The following MTHFD2L variants were observed in gnomAD, a reference collection of about 807,000 sequenced individuals.
MTHFD2L encodes the protein bifunctional methylenetetrahydrofolate dehydrogenase/cyclohydrolase 2, mitochondrial.
MTHFD2L carries 29 observed loss-of-function variants against 34.9 expected under a neutral mutation model. The observed-to-expected ratio is 0.83, with a 90% confidence interval of 0.62 to 1.13. The LOEUF is 1.13. MTHFD2L is among the 50% of genes most tolerant of loss of function. MTHFD2L has a pLI of 0.00. For synonymous variants in MTHFD2L, 167 were observed against 155.7 expected (o/e 1.07, Z -0.54); for missense variants, 481 against 446.5 (o/e 1.08, Z -0.70).
At chr4:74,157,307 C>T (rs1236555453), upstream of MTHFD2L, 15 of 249,884 alleles carry the variant, frequency 6.0e-5, no homozygotes, top group South Asian at 6.6e-4. Flanking sequence ...GACTCAACAG[C>T]AGCAGCCTGA....
At chr4:74,145,235 A>G (rs1373073355) in intron 1 of MTHFD2L, among the ~76,000 whole-genome samples, 1 of 152,166 alleles carries the variant, frequency 6.6e-6, no homozygotes, top group Non-Finnish European at 1.5e-5. Flanking sequence ...TAGGGGTTGA[A>G]AATATTTTAA....
At chr4:74,159,178 A>C (rs1724866406) in intron 1 of MTHFD2L, among the ~76,000 whole-genome samples, 1 of 152,196 alleles carries the variant, frequency 6.6e-6, no homozygotes, top group Non-Finnish European at 1.5e-5. Flanking sequence ...TATTGTGTAC[A>C]TTTAGATCTT....
intron 6 of MTHFD2L, among the ~76,000 whole-genome samples, chr4:74,262,220 C>T (rs1219004797): frequency 6.6e-6 from 1 of 151,806 alleles, no homozygotes; most frequent in Non-Finnish European, 1.5e-5. Context: ...CTACTCACCC[C>T]ATACATACAA....
chr4:74,126,420 G>C (rs1458944019), intron 1 of MTHFD2L, among the ~76,000 whole-genome samples: 5 of 152,096 alleles, frequency 3.3e-5, no homozygotes, highest in Non-Finnish European at 5.9e-5. Context: ...CATAGTAGTG[G>C]TGGGTGATGT....
At chr4:74,190,339 G>C (rs1447263815) in intron 3 of MTHFD2L, 1 of 247,870 alleles carries the variant, frequency 4.0e-6, no homozygotes, top group African/African-American at 2.3e-5. Flanking sequence ...TAATTATATA[G>C]GGTAAAGGTT....
Position 74,301,760 on chromosome 4 carries a change from C to CA in MTHFD2L, c.997dup (p.Met333AsnfsTer11). The stretch of plus-strand genomic sequence containing the variant: ...GGAGGTGTGGGACCCATGACAGTGG[C>CA]AATGCTTCTGAAGAACACCCTTCTG... On this transcript the variant is annotated frameshift_variant, in exon 8 of 8. Coordinates refer to ENST00000325278, the MANE Select transcript of MTHFD2L (RefSeq NM_001144978.3). LOFTEE classifies it high-confidence loss of function. The CA allele has an allele frequency of 6.2e-7, 1 of 1,608,216 alleles. No homozygotes were observed. Among genetic ancestry groups the CA allele is most frequent in the Non-Finnish European group, 8.5e-7 (1 of 1,176,884 alleles).
intron 1 of MTHFD2L, among the ~76,000 whole-genome samples, chr4:74,143,717 G>A (rs971869708): frequency 6.6e-6 from 1 of 151,820 alleles, no homozygotes; most frequent in African/African-American, 2.4e-5. Flanking sequence ...GAAATTTTTT[G>A]GGTTGTGGAA....
At chr4:74,206,934 G>A (rs574117973) in intron 5 of MTHFD2L, among the ~76,000 whole-genome samples, 9 of 152,014 alleles carry the variant, frequency 5.9e-5, no homozygotes, top group South Asian at 4.2e-4. Flanking sequence ...AGGGCCTCAC[G>A]CTGTCACCCA....
chr4:74,195,334 T>G (rs1277789690), intron 3 of MTHFD2L: 4 of 152,196 alleles, frequency 2.6e-5, no homozygotes, highest in African/African-American at 9.7e-5. Context: ...ATAACTCTAT[T>G]GCTGTTTTGT....
At chr4:74,172,782 G>C (rs1449031662) in intron 1 of MTHFD2L, among the ~76,000 whole-genome samples, 1 of 152,132 alleles carries the variant, frequency 6.6e-6, no homozygotes, top group Non-Finnish European at 1.5e-5. Context: ...GCAGAACATT[G>C]TTTACATCAA....
At chr4:74,121,813 C>T (rs1314861175), upstream of MTHFD2L, among the ~76,000 whole-genome samples, 1 of 151,182 alleles carries the variant, frequency 6.6e-6, no homozygotes, top group Non-Finnish European at 1.5e-5. Context: ...TAAAGCATCC[C>T]CTTATCCCAA....
chr4:74,245,046 T>A (rs181955656), intron 6 of MTHFD2L, among the ~76,000 whole-genome samples: 136 of 151,770 alleles, frequency 9.0e-4, no homozygotes, highest in African/African-American at 3.2e-3. Flanking sequence ...TACAAAAAAA[T>A]TAGCGAGGCG....
rs1022237991 is a variant in MTHFD2L at position 74,201,227 on chromosome 4, T to C, written c.605-36T>C. 4.7e-6 allele frequency: 7 copies of C among 1,504,170 alleles called. No homozygotes were observed. The East Asian group carries it at 6.8e-5, about 15-fold the overall frequency. The allele number at this position is 1,504,170 out of a possible 1,614,324, so 93.2% of individuals were successfully genotyped here. On this transcript the variant is annotated intron_variant, in intron 4 of 7. Transcript: ENST00000325278. ...CAAATGTTTAATTTACTTCTTGTTG[T>C]CAATTCTGCATTTAAACCGAACTCT...
At chr4:74,142,493 T>A (rs1723336508) in intron 1 of MTHFD2L, among the ~76,000 whole-genome samples, 1 of 152,208 alleles carries the variant, frequency 6.6e-6, no homozygotes, top group African/African-American at 2.4e-5. Context: ...CACCAAAGCC[T>A]AACTACGCTG....
Position 74,281,430 on chromosome 4 carries a change from C to T in MTHFD2L, c.811C>T (p.Pro271Ser), listed in dbSNP as rs146101740. Residue 271 changes from proline to serine, a missense_variant, in exon 7 of 8, where the codon CCA becomes TCA. Transcript: ENST00000325278. ...ADIIIVAAGI[P>S]KLITSDMVKE... is the part of the protein sequence containing the mutation. ...ACAACTCTTTTTGTTTTCAGGTATT[C>T]CAAAGTTGATTACGTCTGATATGGT... is the stretch of plus-strand genomic sequence containing the variant. The T allele has an allele frequency of 9.3e-6, 15 of 1,609,652 alleles. No individual in the cohort carries two copies. The African/African-American group carries it at 1.9e-4, about 20-fold the overall frequency.
At chr4:74,201,583 G>A (rs1209883793) in intron 5 of MTHFD2L, among the ~76,000 whole-genome samples, 1 of 116,456 alleles carries the variant, frequency 8.6e-6, no homozygotes, top group Non-Finnish European at 1.8e-5. Context: ...TTTTTTTTTT[G>A]GCTATATGCA....
At chr4:74,143,686 G>A (rs1325986474) in intron 1 of MTHFD2L, among the ~76,000 whole-genome samples, 1 of 152,058 alleles carries the variant, frequency 6.6e-6, no homozygotes, top group Non-Finnish European at 1.5e-5. Flanking sequence ...CTAGAACATT[G>A]GTAAGAAAAT....
intron 1 of MTHFD2L, among the ~76,000 whole-genome samples, chr4:74,148,397 C>T (rs549420): frequency 0.14 from 2,585 of 18,372 alleles, 27 homozygotes; most frequent in East Asian, 0.17. Context: ...ATTTATCTAT[C>T]TATCTATTTA....
chr4:74,171,234 A>G (rs1727912054), intron 1 of MTHFD2L, among the ~76,000 whole-genome samples: 1 of 152,214 alleles, frequency 6.6e-6, no homozygotes, highest in Non-Finnish European at 1.5e-5. Flanking sequence ...GCAAATAAGC[A>G]TATGAAAAGA....
Sources: allele counts gnomAD v4.1 joint callset (sites outside exome capture counted in the v4.1 genomes callset), GRCh38; gene constraint gnomAD v4.1.1; transcripts MANE v1.5; gene names NCBI Gene and HGNC (gene_info 2026-07-23, HGNC 2026-07-21).